The following AUTS2 variants were observed in gnomAD, a reference collection of about 807,000 sequenced individuals.
AUTS2 encodes the protein autism susceptibility gene 2 protein.
Under a neutral mutation model 112.4 loss-of-function variants are expected in AUTS2, and 17 were observed. That is an observed-to-expected ratio of 0.15 (90% CI 0.10 to 0.23). The LOEUF (loss-of-function observed/expected upper bound fraction) is 0.23. AUTS2 is among the 10% of genes least tolerant of loss of function. AUTS2 has a pLI of 1.00. For missense variants in AUTS2, 1,510 were observed against 1,701.6 expected (o/e 0.89, Z 1.98); for synonymous variants, 751 against 702.7 (o/e 1.07, Z -1.09).
At chr7:69,699,897 G>A (rs1375553631) in intron 1 of AUTS2, among the ~76,000 whole-genome samples, 5 of 152,016 alleles carry the variant, frequency 3.3e-5, no homozygotes, top group Non-Finnish European at 7.4e-5. Flanking sequence ...TGCCCGCCTC[G>A]GCCTCCCAAA....
intron 1 of AUTS2, among the ~76,000 whole-genome samples, chr7:69,659,493 G>T (rs1795689574): frequency 7.0e-6 from 1 of 143,286 alleles, no homozygotes; most frequent in African/African-American, 2.6e-5. Flanking sequence ...CCTACTAATT[G>T]GATATCCATC....
Position 69,789,959 on chromosome 7 carries a change from G to C in AUTS2, c.310-109327G>C, listed in dbSNP as rs552250156. On this transcript the variant is annotated intron_variant, in intron 1 of 18. Transcript: ENST00000342771. Reference sequence around the variant, plus strand: ...AAATATCTTTTTTTTCAACTTTGAAGAACTAAATATATCTCAACGTGTTGA... The same window carrying C: ...AAATATCTTTTTTTTCAACTTTGAACAACTAAATATATCTCAACGTGTTGA... Among the ~76,000 whole-genome samples the C allele has an allele frequency of 3.3e-5, 5 of 152,032 alleles. No homozygotes were observed. The South Asian group carries it at 1.0e-3, about 32-fold the overall frequency.
intron 1 of AUTS2, among the ~76,000 whole-genome samples, chr7:69,634,311 A>G (rs1012896652): frequency 4.0e-5 from 6 of 151,884 alleles, no homozygotes; most frequent in Non-Finnish European, 4.4e-5. Context: ...TAGTAGAGAC[A>G]GGGTTTCACC....
At chr7:70,139,070 G>T (rs1340233567) in intron 4 of AUTS2, among the ~76,000 whole-genome samples, 1 of 152,118 alleles carries the variant, frequency 6.6e-6, no homozygotes, top group Non-Finnish European at 1.5e-5. Context: ...GGGCTCGGGT[G>T]ATCCTCCCAC....
intron 11 of AUTS2, among the ~76,000 whole-genome samples, chr7:70,773,656 G>A (rs749907196): frequency 7.9e-5 from 12 of 152,186 alleles, no homozygotes; most frequent in Non-Finnish European, 1.0e-4. Flanking sequence ...TCACTTAAGC[G>A]TTTCTTGGAA....
At chr7:69,766,443 A>C (rs931845696) in intron 1 of AUTS2, among the ~76,000 whole-genome samples, 1 of 152,196 alleles carries the variant, frequency 6.6e-6, no homozygotes, top group Non-Finnish European at 1.5e-5. Context: ...AACCCCCTTT[A>C]AATTATTTTG....
rs1303748688 is a variant in AUTS2, at chr7:69,996,917, G to T, written c.522+97419G>T. 3.7e-5 allele frequency among the ~76,000 whole-genome samples: 5 copies of T among 133,798 alleles called. No individual in the cohort carries two copies. In the South Asian group the frequency reaches 9.5e-4, roughly 25 times the overall value. The allele number at this position is 133,798 out of a possible 152,430, so 87.8% of individuals were successfully genotyped here. A position where few individuals can be genotyped will look rare whatever the true frequency, so the allele number is the denominator to read the frequency against. ...TCTCAATCTTGGGTTTTCCAACCTG[G>T]CTCCTTTTTCGAAATAACCTGGAAC... On this transcript the variant is annotated intron_variant, in intron 2 of 18. Coordinates refer to ENST00000342771, the MANE Select transcript of AUTS2 (RefSeq NM_015570.4).
intron 2 of AUTS2, among the ~76,000 whole-genome samples, chr7:70,081,939 T>A (rs1002084707): frequency 7.6e-6 from 1 of 131,320 alleles, no homozygotes; most frequent in East Asian, 2.1e-4. Flanking sequence ...GTGAAGAGTG[T>A]GTGTGTGTGT....
chr7:70,165,266 C>T (rs533151431), intron 4 of AUTS2, among the ~76,000 whole-genome samples: 76 of 152,138 alleles, frequency 5.0e-4, no homozygotes, highest in East Asian at 1.2e-3. Flanking sequence ...CTAGAAGAAA[C>T]GCTAGAAGAG....
intron 5 of AUTS2, chr7:70,437,957 C>T (rs1363894661): frequency 6.6e-6 from 1 of 152,156 alleles, no homozygotes; most frequent in Non-Finnish European, 1.5e-5. Context: ...CACCAGTGGC[C>T]TCAACCTTGA....
chr7:70,650,778 G>T (rs746104664), intron 5 of AUTS2, among the ~76,000 whole-genome samples: 1 of 151,934 alleles, frequency 6.6e-6, no homozygotes, highest in Non-Finnish European at 1.5e-5. Flanking sequence ...CATTTTACAC[G>T]CAAAGCAAAC....
At chr7:70,281,113 C>T (rs189159996) in intron 4 of AUTS2, among the ~76,000 whole-genome samples, 4 of 152,144 alleles carry the variant, frequency 2.6e-5, no homozygotes, top group East Asian at 1.9e-4. Flanking sequence ...TTATGGATAT[C>T]GGGGTAAACA....
chr7:70,132,831 G>T (rs1293108001), intron 3 of AUTS2, among the ~76,000 whole-genome samples: 1 of 152,130 alleles, frequency 6.6e-6, no homozygotes, highest in African/African-American at 2.4e-5. Context: ...TTTGCAGGAA[G>T]GGAAAGAAAT....
intron 4 of AUTS2, among the ~76,000 whole-genome samples, chr7:70,260,818 C>T (rs1032687577): frequency 3.3e-5 from 5 of 151,534 alleles, no homozygotes; most frequent in African/African-American, 9.7e-5. Flanking sequence ...GGTGCAATCT[C>T]GGCTCACTGC....
At chr7:70,393,067 G>A (rs1793933399) in intron 4 of AUTS2, among the ~76,000 whole-genome samples, 1 of 152,202 alleles carries the variant, frequency 6.6e-6, no homozygotes, top group Non-Finnish European at 1.5e-5. Flanking sequence ...GGGTAGTATT[G>A]ATTTTGCTGG....
chr7:70,098,948 C>T (rs1239035612), intron 2 of AUTS2, among the ~76,000 whole-genome samples: 1 of 152,062 alleles, frequency 6.6e-6, no homozygotes, highest in Non-Finnish European at 1.5e-5. Context: ...GTGATCCGCC[C>T]ACCTCGACCT....
chr7:70,224,162 A>G (rs1811628919), intron 4 of AUTS2, among the ~76,000 whole-genome samples: 1 of 152,088 alleles, frequency 6.6e-6, no homozygotes, highest in South Asian at 2.1e-4. Context: ...AAAAAATACA[A>G]AAATTAAGTG....
chr7:70,171,903 TTTG>T (rs1335774739), intron 4 of AUTS2, among the ~76,000 whole-genome samples: 4 of 148,480 alleles, frequency 2.7e-5, no homozygotes, highest in South Asian at 2.1e-4. Context: ...AGTTTTTTTT[TTTG>T]GGGGGGGGTA....
intron 2 of AUTS2, among the ~76,000 whole-genome samples, chr7:69,938,380 T>C (rs979793614): frequency 2.6e-5 from 4 of 152,220 alleles, no homozygotes; most frequent in Non-Finnish European, 5.9e-5. Flanking sequence ...TTGCGGGCTA[T>C]ATGGATCTCT....
Sources: gnomAD v4.1 joint callset for allele counts (sites outside exome capture counted in the v4.1 genomes callset) on GRCh38, gnomAD v4.1.1 for gene constraint, MANE v1.5 for transcripts, NCBI Gene and HGNC (gene_info 2026-07-23, HGNC 2026-07-21) for gene names.